SPEF2: variants seen among roughly 807,000 people sequenced by gnomAD.
SPEF2 encodes sperm flagella and cilia-associated protein 2.
Under a neutral mutation model 224.6 loss-of-function variants are expected in SPEF2, and 187 were observed. That is an observed-to-expected ratio of 0.83 (90% confidence interval 0.74 to 0.94). The LOEUF is 0.94. Among genes scored for constraint, SPEF2 ranks in the 40% least tolerant of loss-of-function variants. The pLI, the probability that SPEF2 is intolerant of heterozygous loss-of-function variation, is 0.00. For synonymous variants in SPEF2, 715 were observed against 707.3 expected (o/e 1.01, Z -0.17); for missense variants, 2,170 against 2,135.6 (o/e 1.02, Z -0.32).
Position 35,695,427 on chromosome 5 carries a change from G to A in SPEF2, c.1976-308G>A, listed in dbSNP as rs746667980. On this transcript the variant is annotated intron_variant, in intron 13 of 36. Transcript: ENST00000356031. ...AAAACTTGACCGTCTTCTGAAAAGC[G>A]AACCCCGACTGTGTTAAAGTATTCC... 7.9e-5 allele frequency among the ~76,000 whole-genome samples: 12 copies of A among 151,974 alleles called. 1 individual carries two copies. Among genetic ancestry groups the A allele is most frequent in the South Asian group, 6.2e-4 (3 of 4,804 alleles).
At chr5:35,781,121 G>C (rs1346702217) in intron 30 of SPEF2, among the ~76,000 whole-genome samples, 2 of 151,622 alleles carry the variant, frequency 1.3e-5, no homozygotes, top group African/African-American at 4.8e-5. Flanking sequence ...AGTAAAGGAA[G>C]GGAGGGAGGG....
At chr5:35,692,822 T>C (rs1219890028) in intron 12 of SPEF2, 98 bp downstream of exon 12, 1 of 1,120,182 alleles carries the variant, frequency 8.9e-7, no homozygotes, top group African/African-American at 1.6e-5. Context: ...AAGTTTCTTC[T>C]GTACAGACCC....
intron 23 of SPEF2, among the ~76,000 whole-genome samples, chr5:35,740,724 T>A (rs2149692759): frequency 6.6e-6 from 1 of 152,264 alleles, no homozygotes; most frequent in South Asian, 2.1e-4. Context: ...CATCTTTGTA[T>A]CTCCAGCAAG....
chr5:35,786,449 C>T (rs1755136737), intron 30 of SPEF2, among the ~76,000 whole-genome samples: 1 of 152,144 alleles, frequency 6.6e-6, no homozygotes, highest in Admixed American at 6.5e-5. Context: ...CACCTGAGGT[C>T]AGGAGTTCGA....
intron 8 of SPEF2, 25 bp from the exon 9 acceptor site, chr5:35,667,047 T>TA (rs1664914944): frequency 6.3e-7 from 1 of 1,575,488 alleles, no homozygotes; most frequent in Non-Finnish European, 8.6e-7. Context: ...TATAGTGACT[T>TA]AAAAATATGT....
chr5:35,641,900 T>A, intron 3 of SPEF2: 1 of 440,092 alleles, frequency 2.3e-6, no homozygotes, highest in Non-Finnish European at 3.9e-6. Flanking sequence ...CAATAGCTTA[T>A]CAAACTCTTT....
At chr5:35,720,844 T>C (rs537787817) in intron 20 of SPEF2, among the ~76,000 whole-genome samples, 1 of 152,328 alleles carries the variant, frequency 6.6e-6, no homozygotes, top group African/African-American at 2.4e-5. Context: ...CTCTGAAGTA[T>C]TCAAAAAGCC....
chr5:35,770,420 CA>C (rs1167244926), intron 26 of SPEF2, among the ~76,000 whole-genome samples: 1 of 151,994 alleles, frequency 6.6e-6, no homozygotes, highest in African/African-American at 2.4e-5. Flanking sequence ...TAACTATAGT[CA>C]CGGTGCTGGG....
chr5:35,749,877 A>G (rs1414735791), intron 23 of SPEF2, among the ~76,000 whole-genome samples: 2 of 152,204 alleles, frequency 1.3e-5, no homozygotes, highest in South Asian at 2.1e-4. Flanking sequence ...TGGAACCGCA[A>G]AAGAAACTAC....
chr5:35,688,711 C>T (rs1165042910), intron 10 of SPEF2, among the ~76,000 whole-genome samples: 1 of 152,026 alleles, frequency 6.6e-6, no homozygotes. Flanking sequence ...TTTATTATGA[C>T]CCTGGGAAAA....
intron 21 of SPEF2, among the ~76,000 whole-genome samples, chr5:35,728,338 A>G (rs4130679): frequency 0.67 from 102,009 of 152,146 alleles, 35,012 homozygotes; most frequent in African/African-American, 0.8. Context: ...AGGAGCGCTG[A>G]AAGCTCCGCC....
chr5:35,651,059 G>A (rs1748122443), intron 6 of SPEF2, among the ~76,000 whole-genome samples: 1 of 152,192 alleles, frequency 6.6e-6, no homozygotes, highest in Non-Finnish European at 1.5e-5. Context: ...CTTGGCCCAT[G>A]TTCCAGATAT....
intron 19 of SPEF2, among the ~76,000 whole-genome samples, 155 bp from the exon 20 acceptor site, chr5:35,712,657 A>C (rs777684108): frequency 1.3e-5 from 2 of 152,246 alleles, no homozygotes; most frequent in Admixed American, 1.3e-4. Context: ...TGTCTTCAGG[A>C]TAATTTTAAC....
Position 35,806,688 on chromosome 5 carries a change from T to C in SPEF2, c.5011-19T>C, listed in dbSNP as rs1482975320. The stretch of plus-strand genomic sequence containing the variant: ...AAAACTTCAGTTTAACTTCATGTTC[T>C]CTTCATTTAACTTTGCAGACCTCCT... On this transcript the variant is annotated intron_variant, in intron 34 of 36. Transcript: ENST00000356031. 1.3e-6 allele frequency: 2 copies of C among 1,595,894 alleles called. No individual in the cohort carries two copies. Among genetic ancestry groups the C allele is most frequent in the Non-Finnish European group, 1.7e-6 (2 of 1,174,438 alleles).
intron 30 of SPEF2, chr5:35,788,147 G>C (rs949140780): frequency 1.1e-5 from 8 of 702,816 alleles, no homozygotes; most frequent in Non-Finnish European, 1.8e-5. Context: ...TCATGCCAAG[G>C]CCTCATTAAT....
At chr5:35,667,789 G>A (rs1750700882) in intron 9 of SPEF2, among the ~76,000 whole-genome samples, 2 of 151,984 alleles carry the variant, frequency 1.3e-5, no homozygotes, top group Non-Finnish European at 2.9e-5. Context: ...CTAATATCTA[G>A]AATATATGAA....
intron 26 of SPEF2, 40 bp from the exon 27 acceptor site, chr5:35,771,569 A>T: frequency 6.3e-7 from 1 of 1,578,550 alleles, no homozygotes; most frequent in Non-Finnish European, 8.5e-7. Context: ...CATATTTTGT[A>T]AATGAGACAT....
chr5:35,633,403 A>G (rs977540725), intron 2 of SPEF2, among the ~76,000 whole-genome samples: 1 of 152,028 alleles, frequency 6.6e-6, no homozygotes, highest in Non-Finnish European at 1.5e-5. Context: ...TTATCAAGTA[A>G]TACTTTTTTT....
Position 35,727,752 on chromosome 5 carries a change from G to A in SPEF2, c.2992G>A (p.Val998Ile), listed in dbSNP as rs769728827. The change falls in exon 21 of 37, where the codon GTT (valine) becomes ATT (isoleucine). Residue 998 changes from valine (V) to isoleucine (I), a missense_variant. Physicochemically the swap from Val to Ile is conservative, Grantham distance 29. Transcript: ENST00000356031. ...TGCTGACTCTACAGATACATCACCTGTTGCAATAGTGCCACAGCCACCTAA... is the reference window on the plus strand; with the variant it reads ...TGCTGACTCTACAGATACATCACCTATTGCAATAGTGCCACAGCCACCTAA... ...SPADSTDTSPVAIVPQPPKPG... is the reference protein window; with the variant it reads ...SPADSTDTSPIAIVPQPPKPG... The A allele has an allele frequency of 3.1e-6, 5 of 1,613,930 alleles. No homozygotes were observed. In the Admixed American group the frequency reaches 6.7e-5, roughly 22 times the overall value.
Sources: gnomAD v4.1 joint callset for allele counts (sites outside exome capture counted in the v4.1 genomes callset) on GRCh38, gnomAD v4.1.1 for gene constraint, MANE v1.5 for transcripts, NCBI Gene and HGNC (gene_info 2026-07-23, HGNC 2026-07-21) for gene names.